The following KIRREL3 variants were observed in gnomAD, a reference collection of about 807,000 sequenced individuals.
KIRREL3 encodes the protein kirre like nephrin family adhesion molecule 3.
Under a neutral mutation model 89.7 loss-of-function variants are expected in KIRREL3, and 36 were observed. That is an observed-to-expected ratio of 0.40 (90% confidence interval 0.31 to 0.53). The LOEUF (loss-of-function observed/expected upper bound fraction) is 0.53, where lower values mean the gene tolerates loss of function less well. Among genes scored for constraint, KIRREL3 ranks in the 20% least tolerant of loss-of-function variants. KIRREL3 has a pLI of 0.49. For synonymous variants in KIRREL3, 445 were observed against 441.4 expected (o/e 1.01, Z -0.10); for missense variants, 864 against 1,056.6 (o/e 0.82, Z 2.53).
chr11:126,625,568 C>T (rs929637606), intron 1 of KIRREL3, among the ~76,000 whole-genome samples: 2 of 152,198 alleles, frequency 1.3e-5, no homozygotes, highest in Non-Finnish European at 2.9e-5. Context: ...ATCAGCCCCT[C>T]TCTGCTGACA....
At position 126,768,121 on chromosome 11, in the gene KIRREL3, T is replaced by TGTCTATCC. The variant is rs1949889602; in HGVS notation, c.56-205217_56-205210dup. Among the ~76,000 whole-genome samples the TGTCTATCC allele has an allele frequency of 6.9e-6, 1 of 144,052 alleles. No individual in the cohort carries two copies. The highest frequency in any genetic ancestry group is 1.5e-5 in the Non-Finnish European group (1 of 65,110). The allele number at this position is 144,052 out of a possible 152,430, so 94.5% of individuals were successfully genotyped here. A position where few individuals can be genotyped will look rare whatever the true frequency, so the allele number is the denominator to read the frequency against. On this transcript the variant is annotated intron_variant, in intron 1 of 16. Coordinates refer to ENST00000525144, the MANE Select transcript of KIRREL3 (RefSeq NM_032531.4). The surrounding 1 kb of genome is among the most constrained non-coding windows in gnomAD (Gnocchi z 4.5). ...TATTTCATCCATCTGTCCATCCATCTGTCTATCCATCTATCCATCCATCCA... is the reference window on the plus strand; with the variant it reads ...TATTTCATCCATCTGTCCATCCATCTGTCTATCCGTCTATCCATCTATCCATCCATCCA...
rs1272026316 is a variant in KIRREL3, at chr11:126,535,721, A to G, written c.134-9034T>C. 6.6e-6 allele frequency among the ~76,000 whole-genome samples: 1 copy of G among 152,226 alleles called. No individual in the cohort carries two copies. Among genetic ancestry groups the G allele is most frequent in the African/African-American group, 2.4e-5 (1 of 41,460 alleles). The stretch of plus-strand genomic sequence containing the variant: ...GGTTGAGGGCTGGGCCCGGTGGCTC[A>G]CGCCTGTAATCCCAGCACTTTGGGA... On this transcript the variant is annotated intron_variant, in intron 2 of 16. Transcript: ENST00000525144. This position sits in a 1 kb window ranked among gnomAD's most constrained non-coding sequence, Gnocchi z 4.5.
chr11:126,538,180 G>T (rs181590019), intron 2 of KIRREL3, among the ~76,000 whole-genome samples: 1 of 152,346 alleles, frequency 6.6e-6, no homozygotes, highest in East Asian at 1.9e-4. Flanking sequence ...TGCTCATCCG[G>T]GTTGGCTTCA....
chr11:126,451,391 AAC>A (rs1956145521), intron 7 of KIRREL3, among the ~76,000 whole-genome samples: 2 of 49,176 alleles, frequency 4.1e-5, no homozygotes, highest in Non-Finnish European at 7.6e-5. Context: ...TGCATGTGTG[AAC>A]GTGTGCATGT....
chr11:126,828,841 C>T (rs10750351), intron 1 of KIRREL3, among the ~76,000 whole-genome samples: 131,427 of 152,192 alleles, frequency 0.86, 57,096 homozygotes, highest in East Asian at 1. Context: ...CCAGACTGAG[C>T]AGTTGGGTTC....
chr11:126,836,081 G>A (rs1305664967), intron 1 of KIRREL3, among the ~76,000 whole-genome samples: 1 of 152,208 alleles, frequency 6.6e-6, no homozygotes, highest in Non-Finnish European at 1.5e-5. Flanking sequence ...TACTTCTCCA[G>A]ATGCTTTCCT....
intron 1 of KIRREL3, among the ~76,000 whole-genome samples, chr11:126,988,947 G>A (rs1417365421): frequency 3.3e-5 from 5 of 152,028 alleles, no homozygotes; most frequent in African/African-American, 1.2e-4. Flanking sequence ...CCTCAGTTCA[G>A]CTTTCTATTA....
At position 126,994,556 on chromosome 11, in the gene KIRREL3, T is replaced by C. The variant is rs1307258268; in HGVS notation, c.55+5899A>G. 2.0e-5 allele frequency among the ~76,000 whole-genome samples: 3 copies of C among 152,234 alleles called. No individual in the cohort carries two copies. The highest frequency in any genetic ancestry group is 4.4e-5 in the Non-Finnish European group (3 of 68,048). On this transcript the variant is annotated intron_variant, in intron 1 of 16. Coordinates refer to ENST00000525144, the MANE Select transcript of KIRREL3 (RefSeq NM_032531.4). This position sits in a 1 kb window ranked among gnomAD's most constrained non-coding sequence, Gnocchi z 5.2. The stretch of plus-strand genomic sequence containing the variant: ...TGTTTCCAAGCAGCTTATGCTAAAT[T>C]GCAGTGATATAAAGGAAACACTTAT...
At chr11:126,426,979 T>C (rs537718494) in intron 15 of KIRREL3, among the ~76,000 whole-genome samples, 3 of 152,262 alleles carry the variant, frequency 2.0e-5, no homozygotes, top group African/African-American at 7.2e-5. Context: ...AGAATGACGA[T>C]ATCCTCAAGG....
intron 5 of KIRREL3, among the ~76,000 whole-genome samples, chr11:126,468,954 G>C (rs1956806112): frequency 6.6e-6 from 1 of 152,216 alleles, no homozygotes; most frequent in South Asian, 2.1e-4. Flanking sequence ...CTGCATATGG[G>C]AAACGCGAGG....
rs374287293 is a variant in KIRREL3, at chr11:126,463,143, G to C, written c.742+14C>G. The C allele has an allele frequency of 2.6e-5, 42 of 1,610,736 alleles. No homozygotes were observed. Among genetic ancestry groups the C allele is most frequent in the African/African-American group, 4.0e-5 (3 of 74,826 alleles). On this transcript the variant is annotated intron_variant, in intron 6 of 16. Coordinates refer to ENST00000525144, the MANE Select transcript of KIRREL3 (RefSeq NM_032531.4). This position sits in a 1 kb window ranked among gnomAD's most constrained non-coding sequence, Gnocchi z 5.9. Reference sequence around the variant, plus strand: ...CCTGGCAGGGCTGGGTTGGGGGAGGGGGTGGGTACTCACGCTGGATGTCAA... The same window carrying C: ...CCTGGCAGGGCTGGGTTGGGGGAGGCGGTGGGTACTCACGCTGGATGTCAA...
chr11:126,924,177 G>A lies in KIRREL3; in HGVS notation c.55+76278C>T, dbSNP rs574559763. 3.4e-4 allele frequency among the ~76,000 whole-genome samples: 52 copies of A among 152,236 alleles called. No individual in the cohort carries two copies. Among genetic ancestry groups the A allele is most frequent in the Non-Finnish European group, 4.4e-5 (3 of 68,012 alleles). On this transcript the variant is annotated intron_variant, in intron 1 of 16. Transcript: ENST00000525144. This position sits in a 1 kb window ranked among gnomAD's most constrained non-coding sequence, Gnocchi z 4.7. ...GGCAGCTCTTGATCCTGTCCCCTGG[G>A]TTCCTTCCCCCTTTCCCTGGCTCAG...
chr11:126,566,924 C>T lies in KIRREL3; in HGVS notation c.56-4012G>A, dbSNP rs574075106. ...AAACTGAGGCTCAGAAGTAAAGTGA[C>T]AATTTAAGGCCAACACACTAGCTGG... On this transcript the variant is annotated intron_variant, in intron 1 of 16. Transcript: ENST00000525144. This position sits in a 1 kb window ranked among gnomAD's most constrained non-coding sequence, Gnocchi z 4.9. Among the ~76,000 whole-genome samples the T allele has an allele frequency of 2.6e-5, 4 of 152,258 alleles. No individual in the cohort carries two copies. Among genetic ancestry groups the T allele is most frequent in the African/African-American group, 9.6e-5 (4 of 41,552 alleles).
intron 1 of KIRREL3, among the ~76,000 whole-genome samples, chr11:126,671,102 C>T (rs1945922544): frequency 6.6e-6 from 1 of 152,168 alleles, no homozygotes; most frequent in Non-Finnish European, 1.5e-5. Flanking sequence ...AGACTAGACA[C>T]AGATCTTACA....
intron 4 of KIRREL3, among the ~76,000 whole-genome samples, chr11:126,500,415 G>A (rs986193241): frequency 6.6e-5 from 10 of 152,170 alleles, no homozygotes; most frequent in African/African-American, 2.4e-4. Flanking sequence ...TGGTGAGCCT[G>A]GCTACAAGCG....
At chr11:126,850,712 C>A (rs987974655) in intron 1 of KIRREL3, among the ~76,000 whole-genome samples, 4 of 152,152 alleles carry the variant, frequency 2.6e-5, no homozygotes, top group African/African-American at 9.7e-5. Context: ...CTGCTTATCC[C>A]CAAAATAAAA....
At position 126,653,785 on chromosome 11, in the gene KIRREL3, G is replaced by A. The variant is rs1945007517; in HGVS notation, c.56-90873C>T. 6.6e-6 allele frequency among the ~76,000 whole-genome samples: 1 copy of A among 152,222 alleles called. No individual in the cohort carries two copies. The highest frequency in any genetic ancestry group is 2.4e-5 in the African/African-American group (1 of 41,458). On this transcript the variant is annotated intron_variant, in intron 1 of 16. Coordinates refer to ENST00000525144, the MANE Select transcript of KIRREL3 (RefSeq NM_032531.4). This position sits in a 1 kb window ranked among gnomAD's most constrained non-coding sequence, Gnocchi z 5.4. ...AAAGTGCACGGTGGAACCTGAGAAG[G>A]TGGAGAAGGGCAGGGATGCCCCTGG...
At chr11:126,822,281 C>T (rs1018352018) in intron 1 of KIRREL3, among the ~76,000 whole-genome samples, 8 of 152,098 alleles carry the variant, frequency 5.3e-5, no homozygotes, top group African/African-American at 1.9e-4. Flanking sequence ...TATATAATTA[C>T]TATTATATAA....
rs1238143255 is a variant in KIRREL3 at position 126,909,787 on chromosome 11, G to A, written c.55+90668C>T. Reference sequence around the variant, plus strand: ...CAGTTGTGCATGAGGCTGAAGCACCGCCATTATAAAAAACTTGGTTAAAAT... The same window carrying A: ...CAGTTGTGCATGAGGCTGAAGCACCACCATTATAAAAAACTTGGTTAAAAT... On this transcript the variant is annotated intron_variant, in intron 1 of 16. Coordinates refer to ENST00000525144, the MANE Select transcript of KIRREL3 (RefSeq NM_032531.4). This position sits in a 1 kb window ranked among gnomAD's most constrained non-coding sequence, Gnocchi z 4.5. Among the ~76,000 whole-genome samples the A allele has an allele frequency of 1.3e-5, 2 of 152,118 alleles. No homozygotes were observed. Among genetic ancestry groups the A allele is most frequent in the African/African-American group, 4.8e-5 (2 of 41,440 alleles).
Sources: gnomAD v4.1 joint callset for allele counts (sites outside exome capture counted in the v4.1 genomes callset) on GRCh38, gnomAD v4.1.1 for gene constraint, Gnocchi (gnomAD v3.1) non-coding constraint, MANE v1.5 for transcripts, NCBI Gene and HGNC (gene_info 2026-07-23, HGNC 2026-07-21) for gene names.